Variants in KCTD16 observed in about 807,000 individuals in gnomAD.
The protein encoded by KCTD16 is BTB/POZ domain-containing protein KCTD16.
In KCTD16, 13 loss-of-function variants were observed where a neutral mutation model predicts 33.2. The observed-to-expected ratio is 0.39, with a 90% CI of 0.25 to 0.62. The LOEUF (loss-of-function observed/expected upper bound fraction) is 0.62, where lower values mean the gene tolerates loss of function less well. KCTD16 is among the 20% of genes least tolerant of loss of function. The probability of loss-of-function intolerance (pLI) is 0.50; values close to 1 mark genes in which losing one functional copy is unlikely to be tolerated. For missense variants in KCTD16, 441 were observed against 525.1 expected (o/e 0.84, Z 1.57); for synonymous variants, 197 against 195.3 (o/e 1.01, Z -0.07).
intron 3 of KCTD16, among the ~76,000 whole-genome samples, chr5:144,348,211 AG>A (rs1752855709): frequency 6.6e-6 from 1 of 152,180 alleles, no homozygotes; most frequent in Non-Finnish European, 1.5e-5. Flanking sequence ...ATCTCCCACA[AG>A]GCATATATGT....
At chr5:144,231,145 C>T (rs1433418415) in intron 3 of KCTD16, among the ~76,000 whole-genome samples, 3 of 152,024 alleles carry the variant, frequency 2.0e-5, no homozygotes, top group Non-Finnish European at 4.4e-5. Flanking sequence ...ATTGCTAATT[C>T]GATGTTAGTT....
At chr5:144,186,018 A>G (rs2126776765) in intron 2 of KCTD16, among the ~76,000 whole-genome samples, 1 of 152,272 alleles carries the variant, frequency 6.6e-6, no homozygotes, top group African/African-American at 2.4e-5. Flanking sequence ...CAGTTGATGA[A>G]GTCAAGATTT....
At chr5:144,316,224 C>A (rs1314639319) in intron 3 of KCTD16, among the ~76,000 whole-genome samples, 1 of 152,120 alleles carries the variant, frequency 6.6e-6, no homozygotes, top group Non-Finnish European at 1.5e-5. Flanking sequence ...CTGGGACTTA[C>A]TAGGCTCTAA....
Position 144,474,125 on chromosome 5 carries a change from G to A in KCTD16, c.*11G>A, listed in dbSNP as rs758381311. 11 of 1,548,346 alleles carry A rather than the reference G, an allele frequency of 7.1e-6. No individual in the cohort carries two copies. In the African/African-American group the frequency reaches 1.3e-4, roughly 18 times the overall value. On this transcript the variant is annotated 3_prime_UTR_variant, in exon 4 of 4. Transcript: ENST00000512467. ...AAGTATCATCTATAAGGGAGGGCTG[G>A]GGGCGGGAAAAGAAAAAAAAAAGTC... is the stretch of plus-strand genomic sequence containing the variant.
chr5:144,417,976 T>C (rs1753110916), intron 3 of KCTD16, among the ~76,000 whole-genome samples: 1 of 152,154 alleles, frequency 6.6e-6, no homozygotes, highest in South Asian at 2.1e-4. Flanking sequence ...CCTTCTGATG[T>C]TCAGAAGTGT....
Position 144,223,329 on chromosome 5 carries a change from A to G in KCTD16, c.832+15783A>G, listed in dbSNP as rs115072635. ...ATGTATAAAAAAGTAGATAGTAGAA[A>G]GTTAAAAATATGTACTATAAATTCT... On this transcript the variant is annotated intron_variant, in intron 3 of 3. Transcript: ENST00000512467. Among the ~76,000 whole-genome samples the G allele has an allele frequency of 2.5e-3, 388 of 152,248 alleles. 1 individual carries two copies. The highest frequency in any genetic ancestry group is 9.0e-3 in the African/African-American group (372 of 41,550).
chr5:144,278,743 C>T (rs1161040543), intron 3 of KCTD16, among the ~76,000 whole-genome samples: 6 of 151,774 alleles, frequency 4.0e-5, no homozygotes, highest in African/African-American at 9.7e-5. Context: ...ATGATCCACC[C>T]GCCTCGGCCT....
chr5:144,257,231 T>C (rs182824808), intron 3 of KCTD16, among the ~76,000 whole-genome samples: 1 of 152,328 alleles, frequency 6.6e-6, no homozygotes, highest in Non-Finnish European at 1.5e-5. Flanking sequence ...CTCATTTTTA[T>C]TCTAGAACAC....
intron 3 of KCTD16, among the ~76,000 whole-genome samples, chr5:144,239,671 A>G (rs2126820367): frequency 6.6e-6 from 1 of 152,280 alleles, no homozygotes; most frequent in South Asian, 2.1e-4. Flanking sequence ...AGCATTAAGG[A>G]AAATATAAAA....
rs758542754 is a variant in KCTD16, at chr5:144,473,877, T to C, written c.1050T>C (p.Pro350=). 2.0e-5 allele frequency: 33 copies of C among 1,613,900 alleles called. No individual in the cohort carries two copies. The highest frequency in any genetic ancestry group is 3.3e-4 in the Middle Eastern group (2 of 6,082). Residue 350 remains proline, a synonymous_variant, in exon 4 of 4, where the codon CCT becomes CCC. Coordinates refer to ENST00000512467, the MANE Select transcript of KCTD16 (RefSeq NM_020768.4). Reference sequence around the variant, plus strand: ...TGGACCGTCCCATCAAGAAGGGCCCTGTCCAGCTGATCCAACAGTCAGAGA... The same window carrying C: ...TGGACCGTCCCATCAAGAAGGGCCCCGTCCAGCTGATCCAACAGTCAGAGA... The part of the protein sequence containing the change: ...QTLDRPIKKG[P]VQLIQQSEMR...
chr5:144,299,128 ATATATATATATATATATATAT>A (rs1279870447), intron 3 of KCTD16, among the ~76,000 whole-genome samples: 14 of 27,384 alleles, frequency 5.1e-4, no homozygotes, highest in African/African-American at 2.1e-3. Context: ...ATATATATAT[ATATATATATATATATATATAT>A]TTTTTTTTTT....
At chr5:144,272,190 G>A (rs901573176) in intron 3 of KCTD16, among the ~76,000 whole-genome samples, 4 of 152,054 alleles carry the variant, frequency 2.6e-5, no homozygotes, top group South Asian at 2.1e-4. Flanking sequence ...TTGGGAGGCC[G>A]AGGTGGGTGG....
chr5:144,340,166 GCACTTT>G (rs1205115468), intron 3 of KCTD16, among the ~76,000 whole-genome samples: 12 of 152,108 alleles, frequency 7.9e-5, no homozygotes, highest in Admixed American at 7.2e-4. Flanking sequence ...TGTAATCCCA[GCACTTT>G]GGGAGGCCGA....
Position 144,453,132 on chromosome 5 carries a change from C to T in KCTD16, c.833-20528C>T, listed in dbSNP as rs923685520. On this transcript the variant is annotated intron_variant, in intron 3 of 3. Coordinates refer to ENST00000512467, the MANE Select transcript of KCTD16 (RefSeq NM_020768.4). ...GCCATGATCTGTAACTAGAACTGGT[C>T]CTGGGCAGAGGGTGAAGGGCCGCCA... 2.4e-4 allele frequency among the ~76,000 whole-genome samples: 37 copies of T among 152,132 alleles called. 1 individual carries two copies. Among genetic ancestry groups the T allele is most frequent in the African/African-American group, 8.9e-4 (37 of 41,430 alleles).
intron 3 of KCTD16, among the ~76,000 whole-genome samples, chr5:144,237,920 C>T (rs527927092): frequency 4.6e-5 from 7 of 152,114 alleles, no homozygotes; most frequent in Admixed American, 6.6e-5. Context: ...AAAGCCAGAA[C>T]TGCATCTTCG....
intron 3 of KCTD16, among the ~76,000 whole-genome samples, chr5:144,308,738 G>A (rs761334981): frequency 1.5e-5 from 2 of 135,724 alleles, no homozygotes; most frequent in African/African-American, 5.5e-5. Context: ...AGATAAACCT[G>A]CCTCCATCCT....
chr5:144,262,600 C>G (rs1755042914), intron 3 of KCTD16, among the ~76,000 whole-genome samples: 1 of 152,224 alleles, frequency 6.6e-6, no homozygotes, highest in Non-Finnish European at 1.5e-5. Context: ...ACTATGTGCT[C>G]TTCTCATTTT....
At chr5:144,274,759 C>T (rs899172808) in intron 3 of KCTD16, among the ~76,000 whole-genome samples, 3 of 152,138 alleles carry the variant, frequency 2.0e-5, no homozygotes, top group Non-Finnish European at 4.4e-5. Context: ...ATGAACCCAA[C>T]CCAACCCTTG....
intron 3 of KCTD16, among the ~76,000 whole-genome samples, chr5:144,238,071 C>T (rs1561539249): frequency 6.6e-6 from 1 of 152,158 alleles, no homozygotes; most frequent in Non-Finnish European, 1.5e-5. Flanking sequence ...AACAAACCCT[C>T]TGCCAACTTT....
Sources: allele counts gnomAD v4.1 joint callset (sites outside exome capture counted in the v4.1 genomes callset), GRCh38; gene constraint gnomAD v4.1.1; transcripts MANE v1.5; gene names NCBI Gene and HGNC (gene_info 2026-07-23, HGNC 2026-07-21).